Variants in PHACTR2 observed in about 807,000 individuals in gnomAD.
PHACTR2 encodes the protein phosphatase and actin regulator 2.
PHACTR2 carries 30 observed loss-of-function variants against 76.0 expected under a neutral mutation model. The ratio of observed to expected loss-of-function variants is 0.39; its 90% CI spans 0.30 to 0.54. PHACTR2 has a LOEUF of 0.54. Among genes scored for constraint, PHACTR2 ranks in the 20% least tolerant of loss-of-function variants. The pLI is 0.61. For missense variants in PHACTR2, 696 were observed against 781.1 expected (o/e 0.89, Z 1.30); for synonymous variants, 292 against 292.5 (o/e 1.00, Z 0.02).
chr6:143,719,099 T>G (rs1778376950), intron 2 of PHACTR2, among the ~76,000 whole-genome samples: 1 of 151,638 alleles, frequency 6.6e-6, no homozygotes, highest in Non-Finnish European at 1.5e-5. Context: ...GCCAGGCTGG[T>G]CTTGAACTCC....
intron 11 of PHACTR2, among the ~76,000 whole-genome samples, chr6:143,799,588 T>G (rs535434488): frequency 3.3e-5 from 5 of 152,354 alleles, no homozygotes; most frequent in Admixed American, 3.3e-4. Flanking sequence ...ACATTGTGTC[T>G]TTGTTCTCAT....
At chr6:143,640,035 A>C (rs1416217395) in intron 1 of PHACTR2, among the ~76,000 whole-genome samples, 1 of 152,172 alleles carries the variant, frequency 6.6e-6, no homozygotes, top group African/African-American at 2.4e-5. Flanking sequence ...ACTGTAATAG[A>C]GTTGAAGAAT....
intron 1 of PHACTR2, among the ~76,000 whole-genome samples, chr6:143,667,387 T>A (rs1213553737): frequency 6.6e-6 from 1 of 152,242 alleles, no homozygotes; most frequent in Non-Finnish European, 1.5e-5. Flanking sequence ...ATATGAAATT[T>A]AAAGTAGTTT....
rs76529416 is a variant in PHACTR2 at position 143,716,521 on chromosome 6, T to C, written c.214+4338T>C. ...TTGTACTTTTCTGCTGTACTTTTAG[T>C]AGAGATGGGGTTTCACCATGTTGCC... On this transcript the variant is annotated intron_variant, in intron 2 of 12. Coordinates refer to ENST00000440869, the MANE Select transcript of PHACTR2 (RefSeq NM_001100164.2). Among the ~76,000 whole-genome samples the C allele has an allele frequency of 7.8e-3, 1,189 of 152,278 alleles. 14 individuals are homozygous for C. The highest frequency in any genetic ancestry group is 0.028 in the African/African-American group (1,145 of 41,542).
At position 143,652,874 on chromosome 6, in the gene PHACTR2, C is replaced by T. The variant is rs1401627787; in HGVS notation, c.13+44552C>T. The stretch of plus-strand genomic sequence containing the variant: ...ATTCAGTCACTTTGTAGCAGCCACT[C>T]TAAGGAGGATGATTCATGGTCCCTG... On this transcript the variant is annotated intron_variant, in intron 1 of 11. Transcript: ENST00000305766. This position sits in a 1 kb window ranked among gnomAD's most constrained non-coding sequence, Gnocchi z 4.5. Among the ~76,000 whole-genome samples, 2 of 152,204 alleles carry T rather than the reference C, an allele frequency of 1.3e-5. No individual in the cohort carries two copies. Among genetic ancestry groups the T allele is most frequent in the Non-Finnish European group, 2.9e-5 (2 of 68,024 alleles).
intron 4 of PHACTR2, among the ~76,000 whole-genome samples, chr6:143,756,900 A>T (rs1582846125): frequency 6.6e-6 from 1 of 152,064 alleles, no homozygotes; most frequent in Non-Finnish European, 1.5e-5. Context: ...ATACAAAAAT[A>T]GCTGGGTGTG....
rs1781152388 is a variant in PHACTR2 at position 143,539,454 on chromosome 6, T to C, written c.217+2247T>C. Among the ~76,000 whole-genome samples the C allele has an allele frequency of 6.6e-6, 1 of 152,204 alleles. No homozygotes were observed. On this transcript the variant is annotated intron_variant, in intron 1 of 11. Coordinates refer to the PHACTR2 transcript ENST00000367584. This position sits in a 1 kb window ranked among gnomAD's most constrained non-coding sequence, Gnocchi z 4.3. ...GGTCCTTCACTGACACACAGAGTAT[T>C]TCTCCAGCATGCCCCACAGCCTCTG...
At chr6:143,575,048 T>C (rs1775489343) in intron 1 of PHACTR2, among the ~76,000 whole-genome samples, 1 of 152,228 alleles carries the variant, frequency 6.6e-6, no homozygotes, top group African/African-American at 2.4e-5. Flanking sequence ...AATAATCCAT[T>C]TGGAACATAA....
intron 3 of PHACTR2, among the ~76,000 whole-genome samples, chr6:143,749,797 T>C (rs573940404): frequency 6.6e-6 from 1 of 152,196 alleles, no homozygotes; most frequent in Non-Finnish European, 1.5e-5. Flanking sequence ...TTTCTCCAAA[T>C]AAATAATACC....
rs568720173 is a variant in PHACTR2, at chr6:143,734,301, G to A, written c.215-14684G>A. The stretch of plus-strand genomic sequence containing the variant: ...CATCAGGTCCTACCTCTTACAGATC[G>A]ATAAAACCATGAAATCTTTTTTTCT... On this transcript the variant is annotated intron_variant, in intron 2 of 12. Transcript: ENST00000440869. Among the ~76,000 whole-genome samples, 11 of 150,954 alleles carry A rather than the reference G, an allele frequency of 7.3e-5. No individual in the cohort carries two copies. The South Asian group carries it at 1.4e-3, about 20-fold the overall frequency.
intron 1 of PHACTR2, among the ~76,000 whole-genome samples, chr6:143,650,784 T>C (rs1431613012): frequency 1.3e-5 from 2 of 152,150 alleles, no homozygotes; most frequent in African/African-American, 2.4e-5. Flanking sequence ...AAAGATTTCA[T>C]GACGAAAACA....
In PHACTR2 at chr6:143,710,359, G is replaced by A. The variant is rs2128460666; in HGVS notation, c.47-1657G>A. Among the ~76,000 whole-genome samples, 1 of 152,262 alleles carries A rather than the reference G, an allele frequency of 6.6e-6. No individual in the cohort carries two copies. The highest frequency in any genetic ancestry group is 2.4e-5 in the African/African-American group (1 of 41,566). On this transcript the variant is annotated intron_variant, in intron 1 of 12. Coordinates refer to ENST00000440869, the MANE Select transcript of PHACTR2 (RefSeq NM_001100164.2). This position sits in a 1 kb window ranked among gnomAD's most constrained non-coding sequence, Gnocchi z 4.9. ...CTTACATTTTTATGTAACACCCGTG[G>A]TTGTTTTTTTTAGTTGTATTTAGCC...
At chr6:143,711,735 T>C (rs72994432) in intron 1 of PHACTR2, 521 of 621,144 alleles carry the variant, frequency 8.4e-4, no homozygotes, top group Non-Finnish European at 1.3e-3. Context: ...TGGATTCAGC[T>C]GTGTTGCACA....
At chr6:143,606,438 CATTTGTCATTTAAGGACTAACA>C (rs912480481), upstream of PHACTR2, among the ~76,000 whole-genome samples, 6 of 152,050 alleles carry the variant, frequency 3.9e-5, no homozygotes, top group Non-Finnish European at 8.8e-5. Flanking sequence ...GAACATAATC[CATTTGTCATTTAAGGACTAACA>C]GTATTAATAA....
chr6:143,612,330 C>G (rs533519943), intron 1 of PHACTR2, among the ~76,000 whole-genome samples: 1 of 152,280 alleles, frequency 6.6e-6, no homozygotes, highest in South Asian at 2.1e-4. Flanking sequence ...TCATTTCAAG[C>G]TGGTTCAAAA....
At chr6:143,655,157 CAAAAA>C (rs151076366) in intron 1 of PHACTR2, among the ~76,000 whole-genome samples, 3 of 99,100 alleles carry the variant, frequency 3.0e-5, no homozygotes, top group Non-Finnish European at 2.0e-5. Flanking sequence ...AACTCCGTCT[CAAAAA>C]AAAAAAAAAA....
rs1314806845 is a variant in PHACTR2, at chr6:143,602,095, T to G, written c.217+64888T>G. On this transcript the variant is annotated intron_variant, in intron 1 of 11. Transcript: ENST00000367584. The surrounding 1 kb of genome is among the most constrained non-coding windows in gnomAD (Gnocchi z 6.1). ...TATAAAATACGATTGTTAACTATAG[T>G]CACCTCATTGTGCTGCCTAACATTA... is the stretch of plus-strand genomic sequence containing the variant. 6.6e-6 allele frequency among the ~76,000 whole-genome samples: 1 copy of G among 152,214 alleles called. No homozygotes were observed. The highest frequency in any genetic ancestry group is 1.5e-5 in the Non-Finnish European group (1 of 68,038).
rs539278797 is a variant in PHACTR2 at position 143,624,384 on chromosome 6, G to A, written c.13+16062G>A. ...GGCCTCCTAAAGTGCTAGGATTACA[G>A]GCGTGAGCCACCGTGCCTGGCCAAA... is the stretch of plus-strand genomic sequence containing the variant. On this transcript the variant is annotated intron_variant, in intron 1 of 11. Transcript: ENST00000305766. The surrounding 1 kb of genome is among the most constrained non-coding windows in gnomAD (Gnocchi z 4.6). 8.5e-5 allele frequency among the ~76,000 whole-genome samples: 13 copies of A among 152,254 alleles called. No homozygotes were observed. The highest frequency in any genetic ancestry group is 5.8e-4 in the East Asian group (3 of 5,166).
At chr6:143,781,136 G>A (rs1775418509) in intron 9 of PHACTR2, among the ~76,000 whole-genome samples, 1 of 152,176 alleles carries the variant, frequency 6.6e-6, no homozygotes, top group Non-Finnish European at 1.5e-5. Flanking sequence ...TAAAGATTCA[G>A]AGGAACAGTC....
Sources: allele counts gnomAD v4.1 joint callset (sites outside exome capture counted in the v4.1 genomes callset), GRCh38; gene constraint gnomAD v4.1.1; non-coding constraint Gnocchi (gnomAD v3.1); transcripts MANE v1.5; gene names NCBI Gene and HGNC (gene_info 2026-07-23, HGNC 2026-07-21).